ECHDC1: variants seen among roughly 807,000 people sequenced by gnomAD.
ECHDC1 encodes the protein ethylmalonyl-CoA decarboxylase 1.
Under a neutral mutation model 29.7 loss-of-function variants are expected in ECHDC1, and 29 were observed. That is an observed-to-expected ratio of 0.98 (90% confidence interval 0.73 to 1.33). The LOEUF is 1.33. Ranked by LOEUF, ECHDC1 falls within the 40% of genes most tolerant of loss-of-function variation. ECHDC1 has a pLI of 0.00. For missense variants in ECHDC1, 328 were observed against 350.0 expected, an observed-to-expected ratio of 0.94 and a Z score of 0.50; for synonymous variants, 126 against 123.1, an observed-to-expected ratio of 1.02 and a Z score of -0.15.
At chr6:127,298,678 A>T (rs1358598684) in intron 5 of ECHDC1, among the ~76,000 whole-genome samples, 1 of 152,140 alleles carries the variant, frequency 6.6e-6, no homozygotes, top group East Asian at 1.9e-4. Flanking sequence ...GGGGCTGAAA[A>T]ATTTCTATAG....
chr6:127,340,520 A>T (rs1361474356), intron 1 of ECHDC1, among the ~76,000 whole-genome samples: 1 of 152,234 alleles, frequency 6.6e-6, no homozygotes, highest in African/African-American at 2.4e-5. Flanking sequence ...TGTCAAGGTC[A>T]TGTACCAGTT....
chr6:127,335,763 A>G (rs1238676827), intron 1 of ECHDC1, among the ~76,000 whole-genome samples: 1 of 152,132 alleles, frequency 6.6e-6, no homozygotes, highest in East Asian at 1.9e-4. Context: ...AGCAACTAAT[A>G]AGGAAAGTGG....
chr6:127,307,353 G>T (rs1192689836), intron 5 of ECHDC1, among the ~76,000 whole-genome samples: 1 of 152,098 alleles, frequency 6.6e-6, no homozygotes, highest in Admixed American at 6.5e-5. Flanking sequence ...AATATTGACT[G>T]GGCATGGTGG....
At chr6:127,297,443 C>G (rs1230772690) in intron 5 of ECHDC1, among the ~76,000 whole-genome samples, 1 of 152,170 alleles carries the variant, frequency 6.6e-6, no homozygotes, top group African/African-American at 2.4e-5. Context: ...AAGGAAAAAT[C>G]AGGCAGACAG....
intron 1 of ECHDC1, among the ~76,000 whole-genome samples, chr6:127,333,052 C>G (rs1159563100): frequency 6.6e-6 from 1 of 152,204 alleles, no homozygotes; most frequent in Non-Finnish European, 1.5e-5. Context: ...CTTGGCTTCC[C>G]AAAGTGCTGG....
chr6:127,302,542 G>A lies in ECHDC1; in HGVS notation c.498-12265C>T, dbSNP rs1781132025. 2.0e-5 allele frequency among the ~76,000 whole-genome samples: 3 copies of A among 152,100 alleles called. No individual in the cohort carries two copies. In the South Asian group the frequency reaches 6.2e-4, roughly 32 times the overall value. ...AGTCTCCTGAGTAGCTGGAATTACA[G>A]GCGCCTGCCACCATGCCCGGCTAAT... On this transcript the variant is annotated intron_variant, in intron 5 of 5. Transcript: ENST00000454859.
At position 127,314,882 on chromosome 6, in the gene ECHDC1, C is replaced by T. The variant is rs780327409; in HGVS notation, c.431G>A (p.Ser144Asn). Residue 144 changes from serine (S) to asparagine (N), a missense_variant, in exon 5 of 6, where the codon AGT becomes AAT. Ser to Asn is a conservative substitution (Grantham distance 46). Transcript: ENST00000454859. Reference sequence around the variant, plus strand: ...TGCCCAACCTTGAACCAGCGCAACACTTATTAAAGGAAGTCTGTATATTGA... The same window carrying T: ...TGCCCAACCTTGAACCAGCGCAACATTTATTAAAGGAAGTCTGTATATTGA... ...LTRFMRLPLI[S>N]VALVQGWALG... is the part of the protein sequence containing the mutation. 16 of 1,611,840 alleles carry T rather than the reference C, an allele frequency of 9.9e-6. No homozygotes were observed. Among genetic ancestry groups the T allele is most frequent in the Non-Finnish European group, 1.4e-5 (16 of 1,179,024 alleles).
chr6:127,291,701 T>TA (rs1216331576), intron 5 of ECHDC1, among the ~76,000 whole-genome samples: 3 of 152,140 alleles, frequency 2.0e-5, no homozygotes, highest in Non-Finnish European at 4.4e-5. Flanking sequence ...TCCAACGTGT[T>TA]AAATACTCAA....
At chr6:127,295,527 GA>G (rs1476081567) in intron 5 of ECHDC1, among the ~76,000 whole-genome samples, 2 of 152,122 alleles carry the variant, frequency 1.3e-5, no homozygotes, top group African/African-American at 4.8e-5. Context: ...ACCAACATAT[GA>G]AAATTTATGC....
intron 1 of ECHDC1, chr6:127,342,382 A>G (rs1785029363): frequency 3.9e-6 from 6 of 1,547,372 alleles, no homozygotes; most frequent in Non-Finnish European, 5.2e-6. Flanking sequence ...GCTTCTTCAC[A>G]GGCTGGCTTC....
At chr6:127,331,778 C>T (rs971078717) in intron 1 of ECHDC1, 1 of 959,524 alleles carries the variant, frequency 1.0e-6, no homozygotes, top group Admixed American at 6.2e-5. Flanking sequence ...AGAAATGCTG[C>T]AAGAGCAATC....
rs570828269 is a variant in ECHDC1 at position 127,335,544 on chromosome 6, G to A, written c.-2-4514C>T. Among the ~76,000 whole-genome samples, 6 of 152,098 alleles carry A rather than the reference G, an allele frequency of 3.9e-5. No homozygotes were observed. In the South Asian group the frequency reaches 8.3e-4, roughly 21 times the overall value. ...ACTTGCCATCATAAATCTTTGATAG[G>A]ACCTGCTTTTAACTGTCATAACTTT... is the stretch of plus-strand genomic sequence containing the variant. On this transcript the variant is annotated intron_variant, in intron 1 of 5. Coordinates refer to ENST00000454859, the MANE Select transcript of ECHDC1 (RefSeq NM_001002030.2).
intron 5 of ECHDC1, among the ~76,000 whole-genome samples, chr6:127,306,146 G>A (rs1781420158): frequency 6.6e-6 from 1 of 151,978 alleles, no homozygotes; most frequent in African/African-American, 2.4e-5. Flanking sequence ...AAGAAAACAT[G>A]AGTATCTATA....
At chr6:127,298,459 A>G (rs1236398150) in intron 5 of ECHDC1, among the ~76,000 whole-genome samples, 1 of 152,176 alleles carries the variant, frequency 6.6e-6, no homozygotes, top group Non-Finnish European at 1.5e-5. Flanking sequence ...AAGTAGAATC[A>G]AGGAATGAGT....
At chr6:127,322,072 G>A (rs540380883) in intron 3 of ECHDC1, among the ~76,000 whole-genome samples, 1 of 152,078 alleles carries the variant, frequency 6.6e-6, no homozygotes, top group African/African-American at 2.4e-5. Context: ...TTGGGAAGCC[G>A]AGGAGGGCAG....
In ECHDC1 at chr6:127,343,392, TTTGCGTGCC is replaced by T. The variant is rs1475703181; in HGVS notation, c.-68_-60del. On this transcript the variant is annotated 5_prime_UTR_variant, in exon 1 of 6. Transcript: ENST00000454859. Reference sequence around the variant, plus strand: ...CGCTCCCCTACACACGCTTTTCCGTTTTGCGTGCCTTTGTTTCCGCTCCCCCCGGGACCA... The same window carrying T: ...CGCTCCCCTACACACGCTTTTCCGTTTTTGTTTCCGCTCCCCCCGGGACCA... 6.6e-6 allele frequency: 1 copy of T among 152,578 alleles called. No individual in the cohort carries two copies. The highest frequency in any genetic ancestry group is 1.5e-5 in the Non-Finnish European group (1 of 68,372). 9.5% of individuals were successfully genotyped at this position (152,578 alleles called of 1,614,324 possible). A position where few individuals can be genotyped will look rare whatever the true frequency, so the allele number is the denominator to read the frequency against.
intron 5 of ECHDC1, among the ~76,000 whole-genome samples, chr6:127,296,749 T>C (rs1780632413): frequency 6.6e-6 from 1 of 152,162 alleles, no homozygotes; most frequent in Non-Finnish European, 1.5e-5. Context: ...CAGTGGCTCA[T>C]GCCTGCAATC....
At chr6:127,315,709 G>A (rs1269866587) in intron 4 of ECHDC1, 2 of 320,224 alleles carry the variant, frequency 6.2e-6, no homozygotes, top group Admixed American at 4.7e-5. Context: ...GGTGAATAGG[G>A]TTTAAACAAT....
At chr6:127,307,110 C>A (rs1781500079) in intron 5 of ECHDC1, among the ~76,000 whole-genome samples, 1 of 152,032 alleles carries the variant, frequency 6.6e-6, no homozygotes, top group Non-Finnish European at 1.5e-5. Flanking sequence ...ACTGAAAATT[C>A]TCTTAGAACA....
Sources: allele counts gnomAD v4.1 joint callset (sites outside exome capture counted in the v4.1 genomes callset), GRCh38; gene constraint gnomAD v4.1.1; transcripts MANE v1.5; gene names NCBI Gene and HGNC (gene_info 2026-07-23, HGNC 2026-07-21).